Variants in PDE4D observed in about 807,000 individuals in gnomAD.
PDE4D encodes 3',5'-cyclic-AMP phosphodiesterase 4D.
PDE4D carries 24 observed loss-of-function variants against 87.4 expected under a neutral mutation model. The ratio of observed to expected loss-of-function variants is 0.27; its 90% CI spans 0.20 to 0.39. The LOEUF is 0.39. PDE4D is among the 10% of genes least tolerant of loss of function. The pLI, the probability that PDE4D is intolerant of heterozygous loss-of-function variation, is 1.00. For missense variants in PDE4D, 714 were observed against 1,041.0 expected (o/e 0.69, Z 4.32); for synonymous variants, 384 against 383.2 (o/e 1.00, Z -0.02).
intron 1 of PDE4D, among the ~76,000 whole-genome samples, chr5:60,321,848 C>T (rs1756301196): frequency 6.6e-6 from 1 of 152,002 alleles, no homozygotes. Context: ...AAGATACTAT[C>T]TCACACCAGT....
At chr5:59,526,747 C>T (rs982209972) in intron 1 of PDE4D, among the ~76,000 whole-genome samples, 1 of 152,166 alleles carries the variant, frequency 6.6e-6, no homozygotes, top group Non-Finnish European at 1.5e-5. Flanking sequence ...CCTCAGCCAC[C>T]CTAGTAGCTA....
At chr5:59,573,117 C>A (rs1822161612) in intron 1 of PDE4D, among the ~76,000 whole-genome samples, 1 of 152,172 alleles carries the variant, frequency 6.6e-6, no homozygotes, top group East Asian at 1.9e-4. Context: ...TACATTCCAT[C>A]TTGCATACCC....
chr5:60,087,592 A>G (rs1774672012), intron 2 of PDE4D, among the ~76,000 whole-genome samples: 1 of 152,186 alleles, frequency 6.6e-6, no homozygotes. Context: ...AGCAAGCAAT[A>G]TAATAACTGA....
At chr5:59,440,614 T>C (rs1004166389) in intron 1 of PDE4D, among the ~76,000 whole-genome samples, 2 of 152,166 alleles carry the variant, frequency 1.3e-5, no homozygotes, top group African/African-American at 2.4e-5. Flanking sequence ...CCATCTCTAC[T>C]GAAAATACAA....
chr5:58,986,721 C>G (rs1351071665), intron 11 of PDE4D, among the ~76,000 whole-genome samples: 1 of 152,112 alleles, frequency 6.6e-6, no homozygotes, highest in African/African-American at 2.4e-5. Context: ...TTCCATAAAA[C>G]CTGGTGCCTG....
chr5:60,347,377 A>C (rs565742052), intron 1 of PDE4D, among the ~76,000 whole-genome samples: 1 of 152,256 alleles, frequency 6.6e-6, no homozygotes, highest in South Asian at 2.1e-4. Flanking sequence ...AGAAAACATA[A>C]AGGGTTTTGC....
At position 60,005,678 on chromosome 5, in the gene PDE4D, C is replaced by T. The variant is rs111312787; in HGVS notation, c.43-16961G>A. ...GAAACAAAAAACAAAATATGCTTAT[C>T]CTCTCAAAATAATAAAACATTAGTC... On this transcript the variant is annotated intron_variant, in intron 2 of 16. Transcript: ENST00000502484. 8.6e-5 allele frequency among the ~76,000 whole-genome samples: 13 copies of T among 151,918 alleles called. 3 individuals are homozygous for T. The highest frequency in any genetic ancestry group is 3.1e-4 in the African/African-American group (13 of 41,492).
intron 1 of PDE4D, among the ~76,000 whole-genome samples, chr5:59,780,195 C>A (rs1349240989): frequency 6.6e-6 from 1 of 152,200 alleles, no homozygotes; most frequent in African/African-American, 2.4e-5. Flanking sequence ...GAAACCCCGT[C>A]TCTACTAAAA....
At chr5:59,405,793 CAT>C (rs1791504042) in intron 1 of PDE4D, among the ~76,000 whole-genome samples, 1 of 152,126 alleles carries the variant, frequency 6.6e-6, no homozygotes, top group East Asian at 1.9e-4. Context: ...TTGAAATGAT[CAT>C]ATGTTTTTGT....
chr5:60,145,996 C>G (rs1295089554), intron 2 of PDE4D, among the ~76,000 whole-genome samples: 1 of 152,066 alleles, frequency 6.6e-6, no homozygotes, highest in Non-Finnish European at 1.5e-5. Context: ...GGCGGGTCAC[C>G]TGAGCTCAGT....
chr5:59,716,786 T>C (rs891764536), intron 1 of PDE4D, among the ~76,000 whole-genome samples: 18 of 152,294 alleles, frequency 1.2e-4, no homozygotes, highest in Non-Finnish European at 1.8e-4. Flanking sequence ...TTTTGGGTAC[T>C]GAAAAGTTTA....
chr5:59,990,258 T>C (rs1762872663), intron 2 of PDE4D, among the ~76,000 whole-genome samples: 1 of 152,170 alleles, frequency 6.6e-6, no homozygotes, highest in Non-Finnish European at 1.5e-5. Context: ...GGACCAAATA[T>C]ATAAAGTATT....
Position 60,449,654 on chromosome 5 carries a change from A to T in PDE4D, c.-90+38288T>A, listed in dbSNP as rs566659631. ...AACTTAAAGTATAATAATAATAAATAAAATAAAAAATAAATAAAATAAAAA... is the reference window on the plus strand; with the variant it reads ...AACTTAAAGTATAATAATAATAAATTAAATAAAAAATAAATAAAATAAAAA... On this transcript the variant is annotated intron_variant, in intron 1 of 16. Transcript: ENST00000502484. 2.0e-3 allele frequency among the ~76,000 whole-genome samples: 286 copies of T among 145,894 alleles called. 2 individuals are homozygous for T. Among genetic ancestry groups the T allele is most frequent in the African/African-American group, 7.0e-3 (275 of 39,348 alleles).
intron 3 of PDE4D, among the ~76,000 whole-genome samples, chr5:59,971,792 G>A (rs1760794687): frequency 6.6e-6 from 1 of 152,150 alleles, no homozygotes; most frequent in African/African-American, 2.4e-5. Context: ...TTCTAGCAAA[G>A]TCAGGGCACT....
intron 1 of PDE4D, among the ~76,000 whole-genome samples, chr5:60,415,483 G>T (rs941169332): frequency 1.3e-5 from 2 of 152,238 alleles, no homozygotes; most frequent in Admixed American, 1.3e-4. Flanking sequence ...AACCGGGGCT[G>T]CGCGGCAGGC....
chr5:59,233,239 G>T (rs1344513583), intron 1 of PDE4D, among the ~76,000 whole-genome samples: 1 of 151,870 alleles, frequency 6.6e-6, no homozygotes. Flanking sequence ...AATTTGTCTC[G>T]GTCATTATAC....
At chr5:60,439,332 T>C (rs1260875358) in intron 1 of PDE4D, among the ~76,000 whole-genome samples, 1 of 152,104 alleles carries the variant, frequency 6.6e-6, no homozygotes, top group Non-Finnish European at 1.5e-5. Flanking sequence ...TCCTTAATAA[T>C]TTTAAATTTA....
At chr5:60,022,502 G>A (rs897901283) in intron 2 of PDE4D, 34 of 152,042 alleles carry the variant, frequency 2.2e-4, no homozygotes, top group Admixed American at 1.9e-3. Context: ...AACCAATTAT[G>A]GCTCTAACTT....
chr5:59,826,802 G>A (rs72751284), intron 1 of PDE4D, among the ~76,000 whole-genome samples: 460 of 152,130 alleles, frequency 3.0e-3, no homozygotes, highest in Non-Finnish European at 5.2e-3. Flanking sequence ...TCCACACAAG[G>A]AAATGCTACT....
Sources: gnomAD v4.1 joint callset for allele counts (sites outside exome capture counted in the v4.1 genomes callset) on GRCh38, gnomAD v4.1.1 for gene constraint, MANE v1.5 for transcripts, NCBI Gene and HGNC (gene_info 2026-07-23, HGNC 2026-07-21) for gene names.